MSANTD2: variants seen among roughly 807,000 people sequenced by gnomAD.
The protein encoded by MSANTD2 is myb/SANT-like DNA-binding domain-containing protein 2.
Under a neutral mutation model 52.6 loss-of-function variants are expected in MSANTD2, and 19 were observed. That is an observed-to-expected ratio of 0.36 (90% CI 0.25 to 0.53). MSANTD2 has a LOEUF of 0.53. Ranked by LOEUF, MSANTD2 falls within the 20% of genes least tolerant of loss-of-function variation. MSANTD2 has a pLI of 0.91. For missense variants in MSANTD2, 558 were observed against 716.3 expected (o/e 0.78, Z 2.52); for synonymous variants, 291 against 289.7 (o/e 1.00, Z -0.04).
Position 124,798,234 on chromosome 11 carries a change from T to TA in MSANTD2, c.510+1636dup, listed in dbSNP as rs10601418. Among the ~76,000 whole-genome samples the TA allele has an allele frequency of 8.8e-3, 973 of 110,450 alleles. 20 individuals carry two copies. The highest frequency in any genetic ancestry group is 0.036 in the East Asian group (133 of 3,660). The allele number at this position is 110,450 out of a possible 152,430, so 72.5% of individuals were successfully genotyped here. On this transcript the variant is annotated intron_variant, in intron 1 of 3. Coordinates refer to ENST00000374979, the MANE Select transcript of MSANTD2 (RefSeq NM_001308027.2). ...GAGCAACGTAGAAGACCCTGTCTCT[T>TA]AAAAAAAAAAAAAAAAAAAAAAAAA...
intron 1 of MSANTD2, among the ~76,000 whole-genome samples, chr11:124,789,078 T>C (rs1445783997): frequency 1.3e-5 from 2 of 152,198 alleles, no homozygotes; most frequent in Non-Finnish European, 2.9e-5. Flanking sequence ...ACATCTTTGA[T>C]GAATGAATGA....
At chr11:124,770,473 A>C (rs530108664) in intron 3 of MSANTD2, among the ~76,000 whole-genome samples, 13 of 152,034 alleles carry the variant, frequency 8.6e-5, no homozygotes, top group African/African-American at 3.1e-4. Context: ...AATTTTAAAA[A>C]TTTTTGTGGA....
intron 1 of MSANTD2, among the ~76,000 whole-genome samples, chr11:124,795,598 C>T (rs540611462): frequency 1.3e-4 from 20 of 152,180 alleles, no homozygotes; most frequent in Non-Finnish European, 2.6e-4. Flanking sequence ...GTTGTCTTGA[C>T]CAGCTTTTTA....
intron 1 of MSANTD2, chr11:124,792,516 A>G (rs1432805141): frequency 3.3e-5 from 5 of 152,200 alleles, no homozygotes; most frequent in African/African-American, 1.2e-4. Flanking sequence ...GAGCTTTTAC[A>G]CTAACTATTC....
intron 1 of MSANTD2, among the ~76,000 whole-genome samples, chr11:124,777,348 C>T (rs1012575318): frequency 7.9e-5 from 12 of 152,184 alleles, no homozygotes; most frequent in South Asian, 6.2e-4. Flanking sequence ...CTGTTGCTGA[C>T]GGTTATTTCG....
At position 124,774,984 on chromosome 11, in the gene MSANTD2, A is replaced by G. The variant is rs1412240665; in HGVS notation, c.511-10T>C. The G allele has an allele frequency of 3.2e-6, 5 of 1,538,678 alleles. No homozygotes were observed. In the Admixed American group the frequency reaches 5.9e-5, roughly 18 times the overall value. On this transcript the variant is annotated splice_polypyrimidine_tract_variant and intron_variant, in intron 1 of 3. Coordinates refer to ENST00000374979, the MANE Select transcript of MSANTD2 (RefSeq NM_001308027.2). The surrounding 1 kb of genome is among the most constrained non-coding windows in gnomAD (Gnocchi z 5.1). The stretch of plus-strand genomic sequence containing the variant: ...AACACCTGCGAAGGGTCTAAGACAC[A>G]AAGTCTTTTGTTATTCCTTTAAAGC...
chr11:124,784,048 TAGGGTATACTGA>T (rs1352725198), intron 1 of MSANTD2: 2 of 985,104 alleles, frequency 2.0e-6, no homozygotes, highest in Non-Finnish European at 2.4e-6. Flanking sequence ...GTCAAAAAAG[TAGGGTATACTGA>T]ACTATTTCAG....
chr11:124,792,714 C>G (rs1945370338), intron 1 of MSANTD2: 1 of 152,160 alleles, frequency 6.6e-6, no homozygotes, highest in Non-Finnish European at 1.5e-5. Context: ...TGATGGTATA[C>G]TACCGTAACT....
chr11:124,784,044 AAAG>A (rs1301590468), intron 1 of MSANTD2: 2 of 985,386 alleles, frequency 2.0e-6, no homozygotes, highest in Non-Finnish European at 2.4e-6. Flanking sequence ...ACAGGTCAAA[AAAG>A]TAGGGTATAC....
intron 1 of MSANTD2, among the ~76,000 whole-genome samples, chr11:124,793,926 T>C (rs1015126663): frequency 4.6e-5 from 7 of 152,220 alleles, no homozygotes; most frequent in African/African-American, 1.4e-4. Flanking sequence ...CAAAGATGAA[T>C]TTAATACTGT....
chr11:124,795,396 A>G (rs919236321), intron 1 of MSANTD2, among the ~76,000 whole-genome samples: 2 of 152,236 alleles, frequency 1.3e-5, no homozygotes, highest in Non-Finnish European at 2.9e-5. Context: ...GCATCAGATT[A>G]ACTGACTGAA....
chr11:124,772,038 G>C (rs1299199434), intron 3 of MSANTD2, among the ~76,000 whole-genome samples: 1 of 152,150 alleles, frequency 6.6e-6, no homozygotes, highest in Non-Finnish European at 1.5e-5. Context: ...TGATGTCACT[G>C]GTAATTCCAA....
chr11:124,774,648 G>C lies in MSANTD2; in HGVS notation c.766+71C>G. 1 of 1,453,884 alleles carries C rather than the reference G, an allele frequency of 6.9e-7. No homozygotes were observed. 90.1% of individuals were successfully genotyped at this position (1,453,884 alleles called of 1,614,324 possible). A position where few individuals can be genotyped will look rare whatever the true frequency, so the allele number is the denominator to read the frequency against. ...TACCAAAGATATTTACAGGTAATAA[G>C]TACTGGTGCACATACATAAAGGTAT... On this transcript the variant is annotated intron_variant, in intron 2 of 3. Coordinates refer to ENST00000374979, the MANE Select transcript of MSANTD2 (RefSeq NM_001308027.2). The surrounding 1 kb of genome is among the most constrained non-coding windows in gnomAD (Gnocchi z 5.1).
intron 1 of MSANTD2, among the ~76,000 whole-genome samples, chr11:124,797,084 A>G (rs567193637): frequency 3.3e-5 from 5 of 152,346 alleles, no homozygotes; most frequent in African/African-American, 9.6e-5. Context: ...TATTCTTCAG[A>G]CTGGGTTCCA....
intron 1 of MSANTD2, among the ~76,000 whole-genome samples, chr11:124,794,793 G>C (rs1221638525): frequency 6.6e-6 from 1 of 152,134 alleles, no homozygotes; most frequent in Non-Finnish European, 1.5e-5. Flanking sequence ...CAAAGATGAT[G>C]ACAATTACTG....
intron 1 of MSANTD2, among the ~76,000 whole-genome samples, chr11:124,799,173 T>C (rs934885750): frequency 1.3e-5 from 2 of 152,208 alleles, no homozygotes; most frequent in African/African-American, 4.8e-5. Context: ...CCGCAGGGCC[T>C]CAAGCCAATC....
intron 3 of MSANTD2, among the ~76,000 whole-genome samples, chr11:124,770,780 G>GTT (rs1054956993): frequency 0.042 from 5,492 of 132,124 alleles, 401 homozygotes; most frequent in African/African-American, 0.14. Context: ...TAATTTTTTG[G>GTT]TTTTTTTTTT....
intron 1 of MSANTD2, among the ~76,000 whole-genome samples, chr11:124,785,215 G>C (rs916069448): frequency 6.6e-6 from 1 of 152,164 alleles, no homozygotes; most frequent in African/African-American, 2.4e-5. Context: ...TTCCTTACAT[G>C]GCTCAACGTG....
At chr11:124,778,022 T>C (rs1054836980) in intron 1 of MSANTD2, among the ~76,000 whole-genome samples, 1 of 152,158 alleles carries the variant, frequency 6.6e-6, no homozygotes, top group African/African-American at 2.4e-5. Flanking sequence ...ACCTTCCAAT[T>C]ATCACCCACA....
Sources: allele counts gnomAD v4.1 joint callset (sites outside exome capture counted in the v4.1 genomes callset), GRCh38; gene constraint gnomAD v4.1.1; non-coding constraint Gnocchi (gnomAD v3.1); transcripts MANE v1.5; gene names NCBI Gene and HGNC (gene_info 2026-07-23, HGNC 2026-07-21).